DMD: variants seen among roughly 807,000 people sequenced by gnomAD.
The protein encoded by DMD is dystrophin, also known as mutant dystrophin.
In DMD, 63 loss-of-function variants were observed where a neutral mutation model predicts 330.1. The ratio of observed to expected loss-of-function variants is 0.19; its 90% CI spans 0.16 to 0.24. DMD has a LOEUF of 0.24. DMD is among the 10% of genes least tolerant of loss of function. The probability of loss-of-function intolerance (pLI) is 1.00; values close to 1 mark genes in which losing one functional copy is unlikely to be tolerated. For synonymous variants in DMD, 1,223 were observed against 959.8 expected (o/e 1.27, Z -5.07); for missense variants, 3,344 against 2,684.1 (o/e 1.25, Z -5.43).
At chrX:32,381,616 C>A (rs1008767378) in intron 33 of DMD, among the ~76,000 whole-genome samples, 2 of 111,319 alleles carry the variant, frequency 1.8e-5, no homozygotes, top group African/African-American at 6.5e-5. Context: ...CTGAAAGTTC[C>A]TTGAACAAAG....
chrX:32,409,903 A>G (rs1361612624), intron 30 of DMD, among the ~76,000 whole-genome samples: 1 of 111,690 alleles, frequency 9.0e-6, no homozygotes, highest in Non-Finnish European at 1.9e-5. Flanking sequence ...GCCGTGGTAG[A>G]CACACTAAAT....
At position 31,819,986 on chromosome X, in the gene DMD, G is replaced by A; in HGVS notation, c.7298C>T (p.Thr2433Ile). ...KQPDLAPGLT[T>I]IGASPTQTVT... is the part of the protein sequence containing the mutation. ...TCCAGTATACTTACAGGCTCCAATAGTGGTCAGTCCAGGAGCTAGGTCAGG... is the reference window on the plus strand; with the variant it reads ...TCCAGTATACTTACAGGCTCCAATAATGGTCAGTCCAGGAGCTAGGTCAGG... The change falls in exon 50 of 79, where the codon ACT (threonine) becomes ATT (isoleucine). Residue 2433 changes from threonine (T) to isoleucine (I), a missense_variant. Transcript: ENST00000357033. 1 of 1,208,892 alleles carries A rather than the reference G, an allele frequency of 8.3e-7. No individual in the cohort carries two copies. Among genetic ancestry groups the A allele is most frequent in the Non-Finnish European group, 1.1e-6 (1 of 892,656 alleles).
chrX:32,917,702 T>C (rs780000315), intron 2 of DMD, among the ~76,000 whole-genome samples: 2 of 112,222 alleles, frequency 1.8e-5, no homozygotes, highest in Admixed American at 9.4e-5. Context: ...CTTTGTTGTA[T>C]GGATTTTATC....
intron 9 of DMD, among the ~76,000 whole-genome samples, chrX:32,664,025 G>A (rs912553399): frequency 1.8e-5 from 2 of 111,316 alleles, no homozygotes; most frequent in East Asian, 2.8e-4. Context: ...GCATGGGAAG[G>A]TTTTCAGCAG....
intron 2 of DMD, among the ~76,000 whole-genome samples, chrX:32,897,449 A>G (rs2085827860): frequency 9.0e-6 from 1 of 111,653 alleles, no homozygotes; most frequent in Non-Finnish European, 1.9e-5. Flanking sequence ...AGAGTCTTTC[A>G]TTTAAAAACC....
At chrX:32,791,936 A>G (rs2075852878) in intron 7 of DMD, among the ~76,000 whole-genome samples, 2 of 112,064 alleles carry the variant, frequency 1.8e-5, no homozygotes, top group Non-Finnish European at 3.8e-5. Context: ...ATGACACATT[A>G]TAGCCAAACT....
intron 77 of DMD, among the ~76,000 whole-genome samples, chrX:31,129,942 T>C (rs188024620): frequency 2.3e-4 from 26 of 111,655 alleles, no homozygotes; most frequent in African/African-American, 8.5e-4. Flanking sequence ...CGGGCTTATT[T>C]GAGAGGGGAT....
intron 7 of DMD, among the ~76,000 whole-genome samples, chrX:32,736,739 G>T (rs1193207799): frequency 6.1e-5 from 6 of 98,126 alleles, no homozygotes; most frequent in Non-Finnish European, 1.2e-4. Context: ...ACACAGGAAG[G>T]GGAACACCAC....
intron 2 of DMD, among the ~76,000 whole-genome samples, chrX:32,935,338 A>G (rs936774819): frequency 8.9e-6 from 1 of 112,214 alleles, no homozygotes; most frequent in Non-Finnish European, 1.9e-5. Flanking sequence ...TCACTCATAT[A>G]ATAACTATGG....
intron 50 of DMD, among the ~76,000 whole-genome samples, chrX:31,808,207 T>C (rs1176632525): frequency 1.8e-5 from 2 of 111,688 alleles, no homozygotes; most frequent in African/African-American, 6.5e-5. Context: ...ATTACTGGAA[T>C]AGAACCAAAC....
intron 57 of DMD, among the ~76,000 whole-genome samples, chrX:31,489,684 C>G (rs769482413): frequency 2.7e-5 from 3 of 111,241 alleles, no homozygotes; most frequent in Non-Finnish European, 5.7e-5. Context: ...TTGAAAGAAC[C>G]AATAAATTCT....
At chrX:32,688,743 A>G (rs372441944) in intron 9 of DMD, among the ~76,000 whole-genome samples, 2 of 111,960 alleles carry the variant, frequency 1.8e-5, no homozygotes, top group African/African-American at 6.5e-5. Context: ...TCATCTTAAT[A>G]TCTTAGCTAT....
chrX:32,753,121 GCTAGTAC>G (rs1332181353), intron 7 of DMD, among the ~76,000 whole-genome samples: 1 of 110,881 alleles, frequency 9.0e-6, no homozygotes, highest in Non-Finnish European at 1.9e-5. Context: ...TCCACAACAA[GCTAGTAC>G]CCAGACTTCC....
chrX:31,342,138 C>T (rs2057808013), intron 61 of DMD, among the ~76,000 whole-genome samples: 1 of 111,703 alleles, frequency 9.0e-6, no homozygotes, highest in Non-Finnish European at 1.9e-5. Context: ...CTAAGCTTAT[C>T]TCCAGTTAGG....
chrX:32,643,405 T>C (rs967178712), intron 11 of DMD, among the ~76,000 whole-genome samples: 1 of 110,320 alleles, frequency 9.1e-6, no homozygotes, highest in Non-Finnish European at 1.9e-5. Context: ...TTTGGACAAT[T>C]TTTTTCACTT....
At chrX:31,553,712 G>A (rs1766375226) in intron 55 of DMD, among the ~76,000 whole-genome samples, 1 of 112,413 alleles carries the variant, frequency 8.9e-6, no homozygotes, top group Admixed American at 9.4e-5. Context: ...TGTTGAAAAG[G>A]TGAGCAATAG....
In DMD at chrX:32,656,306, G is replaced by A. The variant is rs775347014; in HGVS notation, c.961-11154C>T. On this transcript the variant is annotated intron_variant, in intron 9 of 78. Coordinates refer to ENST00000357033, the MANE Select transcript of DMD (RefSeq NM_004006.3). Reference sequence around the variant, plus strand: ...CCTCAACCGTGACTACGAAGACAGCGTCCCAGGGGATGATCGAAAAACTGG... The same window carrying A: ...CCTCAACCGTGACTACGAAGACAGCATCCCAGGGGATGATCGAAAAACTGG... Among the ~76,000 whole-genome samples the A allele has an allele frequency of 4.5e-5, 5 of 111,919 alleles. No homozygotes were observed. In the East Asian group the frequency reaches 1.1e-3, roughly 25 times the overall value.
chrX:32,876,614 C>T (rs1241521058), intron 2 of DMD, among the ~76,000 whole-genome samples: 2 of 112,070 alleles, frequency 1.8e-5, no homozygotes, highest in African/African-American at 6.5e-5. Context: ...CCCTTAATGA[C>T]ATATTGTCAT....
At chrX:32,846,757 A>C (rs1280301806) in intron 3 of DMD, among the ~76,000 whole-genome samples, 1 of 103,931 alleles carries the variant, frequency 9.6e-6, no homozygotes, top group African/African-American at 3.5e-5. Context: ...AGCAACAGCC[A>C]GACATTTGGG....
Sources: gnomAD v4.1 joint callset for allele counts (sites outside exome capture counted in the v4.1 genomes callset) on GRCh38, gnomAD v4.1.1 for gene constraint, MANE v1.5 for transcripts, NCBI Gene and HGNC (gene_info 2026-07-23, HGNC 2026-07-21) for gene names.